Variants in CSTPP1 observed in about 807,000 individuals in gnomAD.
The protein encoded by CSTPP1 is UPF0705 protein C11orf49.
At chr11:47,094,825 T>C in the CSTPP1 span, among the ~76,000 whole-genome samples, 3 of 152,164 alleles carry the variant, frequency 2.0e-5, no homozygotes, top group Admixed American at 2.0e-4. Flanking sequence ...ACAAAGATGT[T>C]TAAGAAGAAA....
chr11:47,155,252 T>A, the CSTPP1 span: 1 of 1,613,036 alleles, frequency 6.2e-7, no homozygotes, highest in Non-Finnish European at 8.5e-7. Context: ...GATCCAGTTT[T>A]ACTACTCAGG....
chr11:46,951,212 C>A, the CSTPP1 span, among the ~76,000 whole-genome samples: 1 of 151,904 alleles, frequency 6.6e-6, no homozygotes, highest in Non-Finnish European at 1.5e-5. Flanking sequence ...GCCTTCTTTC[C>A]CATTCAGTTC....
the CSTPP1 span, among the ~76,000 whole-genome samples, chr11:47,132,552 C>T: frequency 1.3e-5 from 2 of 152,128 alleles, no homozygotes; most frequent in African/African-American, 4.8e-5. Context: ...GACAAGGAAA[C>T]CAAGGTTCAG....
At chr11:47,105,491 ACT>A in the CSTPP1 span, among the ~76,000 whole-genome samples, 24 of 151,980 alleles carry the variant, frequency 1.6e-4, no homozygotes, top group Middle Eastern at 3.4e-3. Context: ...ACAGACAGAG[ACT>A]CTGTCTCTGA....
chr11:46,971,645 T>C, the CSTPP1 span, among the ~76,000 whole-genome samples: 1 of 145,656 alleles, frequency 6.9e-6, no homozygotes, highest in Non-Finnish European at 1.5e-5. Context: ...GATCTTCTAA[T>C]TTTTTTTTTT....
At chr11:47,162,203 T>C in the CSTPP1 span, 1 of 985,478 alleles carries the variant, frequency 1.0e-6, no homozygotes. Context: ...GTCTAATAGC[T>C]AAACAAACAT....
the CSTPP1 span, chr11:47,159,659 A>G: frequency 1.6e-4 from 72 of 456,250 alleles, no homozygotes; most frequent in South Asian, 1.1e-3. Context: ...GAAGCCAATT[A>G]GCAACTGGGT....
the CSTPP1 span, among the ~76,000 whole-genome samples, chr11:47,120,855 G>C: frequency 6.6e-6 from 1 of 152,186 alleles, no homozygotes; most frequent in Non-Finnish European, 1.5e-5. The surrounding 1 kb of genome is among the most constrained non-coding windows in gnomAD (Gnocchi z 4.2). Context: ...TACAGAAGCA[G>C]TGATCAATAA....
chr11:47,133,161 A>G, the CSTPP1 span, among the ~76,000 whole-genome samples: 2 of 152,214 alleles, frequency 1.3e-5, no homozygotes, highest in African/African-American at 4.8e-5. Flanking sequence ...ATTAACCACA[A>G]TGCTATGCTG....
chr11:46,952,411 G>A, the CSTPP1 span, among the ~76,000 whole-genome samples: 1 of 152,230 alleles, frequency 6.6e-6, no homozygotes, highest in Non-Finnish European at 1.5e-5. Flanking sequence ...ACGAGGCAGG[G>A]AATTTTAGTC....
At chr11:47,002,611 A>G in the CSTPP1 span, among the ~76,000 whole-genome samples, 1 of 151,980 alleles carries the variant, frequency 6.6e-6, no homozygotes. Flanking sequence ...CCCTGTCAGG[A>G]AAGACCTTGT....
chr11:47,122,094 ATATAT>A, the CSTPP1 span, among the ~76,000 whole-genome samples: 1 of 100,786 alleles, frequency 9.9e-6, no homozygotes, highest in Non-Finnish European at 2.0e-5. Context: ...AAAAAAAAAT[ATATAT>A]ATATATATAT....
the CSTPP1 span, among the ~76,000 whole-genome samples, chr11:47,079,596 C>T: frequency 6.6e-6 from 1 of 152,202 alleles, no homozygotes; most frequent in Non-Finnish European, 1.5e-5. Flanking sequence ...AATAATCACT[C>T]ATAAATCCAC....
chr11:47,076,164 G>T, the CSTPP1 span, among the ~76,000 whole-genome samples: 8 of 152,096 alleles, frequency 5.3e-5, no homozygotes, highest in Non-Finnish European at 1.2e-4. Context: ...GAGCGTAGGT[G>T]AGATGCCCTA....
chr11:47,151,076 G>A, the CSTPP1 span, among the ~76,000 whole-genome samples: 11 of 151,834 alleles, frequency 7.2e-5, no homozygotes, highest in Non-Finnish European at 1.3e-4. Flanking sequence ...CCAACACAAT[G>A]GTAAAATGGT....
the CSTPP1 span, chr11:47,161,551 C>G: frequency 4.3e-6 from 7 of 1,614,166 alleles, no homozygotes; most frequent in Non-Finnish European, 5.9e-6. Context: ...CCCGGGTTGG[C>G]TCTCCCTGGA....
chr11:46,994,536 T>C, the CSTPP1 span, among the ~76,000 whole-genome samples: 1 of 152,220 alleles, frequency 6.6e-6, no homozygotes, highest in African/African-American at 2.4e-5. Flanking sequence ...GAGATAATCA[T>C]GTGGTTTTTG....
At chr11:46,963,077 A>G in the CSTPP1 span, among the ~76,000 whole-genome samples, 17 of 152,266 alleles carry the variant, frequency 1.1e-4, no homozygotes, top group African/African-American at 3.8e-4. Flanking sequence ...AGATCATTTT[A>G]CGTCATCCTT....
chr11:47,110,929 G>T, the CSTPP1 span, among the ~76,000 whole-genome samples: 6 of 140,654 alleles, frequency 4.3e-5, no homozygotes, highest in African/African-American at 1.6e-4. Flanking sequence ...TAGCTCTGCC[G>T]CCCAGGCTGG....
Sources: gnomAD v4.1 joint callset for allele counts (sites outside exome capture counted in the v4.1 genomes callset) on GRCh38, gnomAD v4.1.1 for gene constraint, Gnocchi (gnomAD v3.1) non-coding constraint, MANE v1.5 for transcripts, NCBI Gene and HGNC (gene_info 2026-07-23, HGNC 2026-07-21) for gene names.